The following ULBP1 variants were observed in gnomAD, a reference collection of about 807,000 sequenced individuals.
ULBP1 encodes UL16 binding protein 1, also known as UL16-binding protein 1.
In ULBP1, 28 loss-of-function variants were observed where a neutral mutation model predicts 25.3. The ratio of observed to expected loss-of-function variants is 1.10; its 90% CI spans 0.82 to 1.51. The LOEUF (loss-of-function observed/expected upper bound fraction) is 1.51. Among genes scored for constraint, ULBP1 ranks in the 40% most tolerant of loss-of-function variants. The pLI is 0.00. For synonymous variants in ULBP1, 129 were observed against 103.0 expected, an observed-to-expected ratio of 1.25 and a Z score of -1.53; for missense variants, 348 against 290.9, an observed-to-expected ratio of 1.20 and a Z score of -1.43.
rs1209773807 is a variant in ULBP1, at chr6:149,972,237, A to G, written c.*891A>G. 6.6e-5 allele frequency: 10 copies of G among 152,214 alleles called. No homozygotes were observed. Among genetic ancestry groups the G allele is most frequent in the Admixed American group, 6.5e-5 (1 of 15,286 alleles). 9.4% of individuals were successfully genotyped at this position (152,214 alleles called of 1,614,324 possible). ...CACACCTACCGCCATCTAATCTTCA[A>G]TAGAAATGGGCAATGTGGGAAAGAC... On this transcript the variant is annotated 3_prime_UTR_variant, in exon 5 of 5. Coordinates refer to ENST00000229708, the MANE Select transcript of ULBP1 (RefSeq NM_025218.4).
rs538077054 is a variant in ULBP1 at position 149,969,481 on chromosome 6, G to A, written c.625+121G>A. On this transcript the variant is annotated intron_variant, in intron 3 of 4. Transcript: ENST00000229708. Reference sequence around the variant, plus strand: ...TATGAACATGACCCCCTCATGGGGGGCTCCTCCTGGGGGTCCTGGCATGCC... The same window carrying A: ...TATGAACATGACCCCCTCATGGGGGACTCCTCCTGGGGGTCCTGGCATGCC... The A allele has an allele frequency of 2.6e-4, 361 of 1,389,492 alleles. No individual in the cohort carries two copies. The African/African-American group carries it at 4.5e-3, about 17-fold the overall frequency. 86.1% of individuals were successfully genotyped at this position (1,389,492 alleles called of 1,614,324 possible). A position where few individuals can be genotyped will look rare whatever the true frequency, so the allele number is the denominator to read the frequency against.
rs1779348690 is a variant in ULBP1 at position 149,973,170 on chromosome 6, C to G, written c.*1824C>G. ...CCATGAAACACAAGAAAATCATGTC[C>G]TTTTCAGCAACATGGATGCAACTAG... is the stretch of plus-strand genomic sequence containing the variant. On this transcript the variant is annotated 3_prime_UTR_variant, in exon 5 of 5. Coordinates refer to ENST00000229708, the MANE Select transcript of ULBP1 (RefSeq NM_025218.4). 1 of 152,168 alleles carries G rather than the reference C, an allele frequency of 6.6e-6. No individual in the cohort carries two copies. The highest frequency in any genetic ancestry group is 2.1e-4 in the South Asian group (1 of 4,826). 9.4% of individuals were successfully genotyped at this position (152,168 alleles called of 1,614,324 possible).
Position 149,969,585 on chromosome 6 carries a change from A to T in ULBP1, c.625+225A>T, listed in dbSNP as rs371442747. ...CACCTGCTTCTGCTCTACCCACCGC[A>T]TTTCTCACCAGCCTCAAATCTGTGG... is the stretch of plus-strand genomic sequence containing the variant. On this transcript the variant is annotated intron_variant, in intron 3 of 4. Coordinates refer to ENST00000229708, the MANE Select transcript of ULBP1 (RefSeq NM_025218.4). Among the ~76,000 whole-genome samples the T allele has an allele frequency of 1.1e-4, 16 of 151,940 alleles. No homozygotes were observed. The East Asian group carries it at 2.7e-3, about 26-fold the overall frequency.
At position 149,972,493 on chromosome 6, in the gene ULBP1, A is replaced by G. The variant is rs1449731841; in HGVS notation, c.*1147A>G. On this transcript the variant is annotated 3_prime_UTR_variant, in exon 5 of 5. Transcript: ENST00000229708. ...CACTAAAAACAATTGCAACAAAAAC[A>G]GAAATTGACAAATGGGGCCTCATTA... The G allele has an allele frequency of 6.6e-6, 1 of 152,226 alleles. No individual in the cohort carries two copies. Among genetic ancestry groups the G allele is most frequent in the Non-Finnish European group, 1.5e-5 (1 of 68,038 alleles). The allele number at this position is 152,226 out of a possible 1,614,324, so 9.4% of individuals were successfully genotyped here. A position where few individuals can be genotyped will look rare whatever the true frequency, so the allele number is the denominator to read the frequency against.
intron 1 of ULBP1, among the ~76,000 whole-genome samples, chr6:149,967,348 C>T (rs188114174): frequency 6.6e-6 from 1 of 152,306 alleles, no homozygotes; most frequent in Admixed American, 6.5e-5. Flanking sequence ...AGTGAATGCC[C>T]ATCTGGCTCT....
rs748113055 is a variant in ULBP1 at position 149,968,711 on chromosome 6, T to C, written c.190T>C (p.Tyr64His). 8.7e-6 allele frequency: 14 copies of C among 1,614,256 alleles called. No homozygotes were observed. The highest frequency in any genetic ancestry group is 1.2e-5 in the Non-Finnish European group (14 of 1,180,048). Residue 64 changes from tyrosine (Y) to histidine (H), a missense_variant, in exon 2 of 5, where the codon TAT becomes CAT. Tyr to His is a moderately conservative substitution (Grantham distance 83, BLOSUM62 2). Coordinates refer to ENST00000229708, the MANE Select transcript of ULBP1 (RefSeq NM_025218.4). ...GGTGGATGAAAGGCCTTTTCTTCAC[T>C]ATGACTGTGTTAACCACAAGGCCAA... ...GLVDERPFLH[Y>H]DCVNHKAKAF...
At chr6:149,964,171 CA>C (rs1443248216) in intron 1 of ULBP1, 37 bp downstream of exon 1, 1 of 1,611,572 alleles carries the variant, frequency 6.2e-7, no homozygotes, top group African/African-American at 1.3e-5. Context: ...GGGCGGGGGC[CA>C]AACCTGGGAG....
chr6:149,964,780 A>T (rs1248005675), intron 1 of ULBP1, among the ~76,000 whole-genome samples: 2 of 112,498 alleles, frequency 1.8e-5, no homozygotes, highest in South Asian at 6.3e-4. Flanking sequence ...ATCGCGTTCT[A>T]CCCCAACATC....
At position 149,972,120 on chromosome 6, in the gene ULBP1, G is replaced by A. The variant is rs2114718134; in HGVS notation, c.*774G>A. On this transcript the variant is annotated 3_prime_UTR_variant, in exon 5 of 5. Transcript: ENST00000229708. ...ACAGACATGAACCACAGTGCCTGTT[G>A]TAGAAATTTTTAATTATTTAATATG... is the stretch of plus-strand genomic sequence containing the variant. 6.6e-6 allele frequency: 1 copy of A among 152,192 alleles called. No homozygotes were observed. Among genetic ancestry groups the A allele is most frequent in the South Asian group, 2.1e-4 (1 of 4,820 alleles). 9.4% of individuals were successfully genotyped at this position (152,192 alleles called of 1,614,324 possible).
At chr6:149,969,805 C>T (rs1213853276) in intron 3 of ULBP1, among the ~76,000 whole-genome samples, 1 of 152,204 alleles carries the variant, frequency 6.6e-6, no homozygotes, top group Non-Finnish European at 1.5e-5. Flanking sequence ...GTGCTGTCAC[C>T]TCGCTTCCCT....
Position 149,969,161 on chromosome 6 carries a change from C to T in ULBP1, c.426C>T (p.Leu142=), listed in dbSNP as rs1242490796. ...HGHGRGSWQF[L]FNGQKFLLFD... Reference sequence around the variant, plus strand: ...ACGGCAGAGGATCTTGGCAGTTCCTCTTCAATGGACAGAAGTTCCTCCTCT... The same window carrying T: ...ACGGCAGAGGATCTTGGCAGTTCCTTTTCAATGGACAGAAGTTCCTCCTCT... Residue 142 remains leucine (L), a synonymous_variant, in exon 3 of 5, where the codon CTC becomes CTT. Coordinates refer to ENST00000229708, the MANE Select transcript of ULBP1 (RefSeq NM_025218.4). 6 of 1,614,126 alleles carry T rather than the reference C, an allele frequency of 3.7e-6. No homozygotes were observed. The highest frequency in any genetic ancestry group is 4.2e-6 in the Non-Finnish European group (5 of 1,180,058).
At position 149,969,055 on chromosome 6, in the gene ULBP1, A is replaced by G. The variant is rs370626029; in HGVS notation, c.350-30A>G. 1.9e-6 allele frequency: 3 copies of G among 1,610,226 alleles called. 1 individual carries two copies. In the African/African-American group the frequency reaches 4.0e-5, roughly 22 times the overall value. ...AGGGTGGGGCTCAGGCTTTGTCAAG[A>G]TCAGAGCTGATCTCTTTGCAATGGG... On this transcript the variant is annotated intron_variant, in intron 2 of 4. Transcript: ENST00000229708.
At position 149,965,093 on chromosome 6, in the gene ULBP1, TCGCGG is replaced by T. The variant is rs1217181583; in HGVS notation, c.85+960_85+964del. Among the ~76,000 whole-genome samples, 403 of 142,834 alleles carry T rather than the reference TCGCGG, an allele frequency of 2.8e-3. 11 individuals are homozygous for T. The highest frequency in any genetic ancestry group is 0.01 in the African/African-American group (377 of 37,260). The allele number at this position is 142,834 out of a possible 152,430, so 93.7% of individuals were successfully genotyped here. A position where few individuals can be genotyped will look rare whatever the true frequency, so the allele number is the denominator to read the frequency against. On this transcript the variant is annotated intron_variant, in intron 1 of 4. Transcript: ENST00000229708. ...TGGACCAGCGCGATCTCCCCGAATA[TCGCGG>T]TCTACCCGAACATCGCGGCCTCCCC...
rs1410127322 is a variant in ULBP1 at position 149,973,329 on chromosome 6, G to C, written c.*1983G>C. The C allele has an allele frequency of 6.6e-6, 1 of 152,206 alleles. No homozygotes were observed. Among genetic ancestry groups the C allele is most frequent in the Non-Finnish European group, 1.5e-5 (1 of 68,042 alleles). 9.4% of individuals were successfully genotyped at this position (152,206 alleles called of 1,614,324 possible). On this transcript the variant is annotated 3_prime_UTR_variant, in exon 5 of 5. Coordinates refer to ENST00000229708, the MANE Select transcript of ULBP1 (RefSeq NM_025218.4). ...AGATCACCAGACCGGGGAGAGAAGA[G>C]GGGCACCTGGGCTGAAAAACACACC...
intron 3 of ULBP1, 98 bp from the exon 4 acceptor site, chr6:149,969,918 C>A (rs974465433): frequency 6.8e-7 from 1 of 1,478,380 alleles, no homozygotes; most frequent in African/African-American, 1.4e-5. Flanking sequence ...GACAAAAGGT[C>A]TGCCTTCCAG....
intron 1 of ULBP1, among the ~76,000 whole-genome samples, chr6:149,965,405 C>T (rs1211010485): frequency 6.6e-6 from 1 of 152,256 alleles, no homozygotes; most frequent in African/African-American, 2.4e-5. Flanking sequence ...GCTAGCACCG[C>T]AGTCCAGGGG....
chr6:149,964,819 C>G (rs147814047), intron 1 of ULBP1, among the ~76,000 whole-genome samples: 434 of 141,714 alleles, frequency 3.1e-3, no homozygotes, highest in Non-Finnish European at 4.7e-3. Flanking sequence ...GTGATCCCCC[C>G]CGAACATCGC....
intron 1 of ULBP1, among the ~76,000 whole-genome samples, chr6:149,967,481 G>A (rs1779223517): frequency 6.6e-6 from 1 of 152,162 alleles, no homozygotes; most frequent in Non-Finnish European, 1.5e-5. Context: ...TCAAAGCTGG[G>A]CAAAGGAGCT....
At chr6:149,969,026 A>G in intron 2 of ULBP1, 59 bp from the exon 3 acceptor site, 1 of 1,584,806 alleles carries the variant, frequency 6.3e-7, no homozygotes, top group Non-Finnish European at 8.6e-7. Context: ...CCAGGAAAGG[A>G]AGCAGGGTGG....
Sources: gnomAD v4.1 joint callset for allele counts (sites outside exome capture counted in the v4.1 genomes callset) on GRCh38, gnomAD v4.1.1 for gene constraint, MANE v1.5 for transcripts, NCBI Gene and HGNC (gene_info 2026-07-23, HGNC 2026-07-21) for gene names.